SMIM27: variants seen among roughly 807,000 people sequenced by gnomAD.
The protein encoded by SMIM27 is TOPORS antisense RNA 1 (non-protein coding).
A neutral mutation model predicts 1.8 loss-of-function variants in SMIM27; 3 were observed. That is an observed-to-expected ratio of 1.65 (90% confidence interval 0.75 to 4.28). The LOEUF (loss-of-function observed/expected upper bound fraction) is 4.28, where lower values mean the gene tolerates loss of function less well. SMIM27 is among the 30% of genes most tolerant of loss of function. The probability of loss-of-function intolerance (pLI) is 0.02; values close to 1 mark genes in which losing one functional copy is unlikely to be tolerated. For synonymous variants in SMIM27, 19 were observed against 13.9 expected, an observed-to-expected ratio of 1.37 and a Z score of -0.82; for missense variants, 63 against 37.0, an observed-to-expected ratio of 1.70 and a Z score of -1.83.
chr9:32,564,869 A>C (rs1468731150), intron 1 of SMIM27, among the ~76,000 whole-genome samples: 1 of 152,248 alleles, frequency 6.6e-6, no homozygotes. Flanking sequence ...TAAATGTATC[A>C]AGTTGAATCA....
At chr9:32,564,919 C>T (rs1259570890) in intron 1 of SMIM27, among the ~76,000 whole-genome samples, 2 of 152,296 alleles carry the variant, frequency 1.3e-5, no homozygotes, top group African/African-American at 4.8e-5. Flanking sequence ...CCTAGAAAAA[C>T]GGCAGTTTCA....
At chr9:32,553,764 G>T, downstream of SMIM27, 2 of 733,314 alleles carry the variant, frequency 2.7e-6, no homozygotes, top group South Asian at 1.6e-5. Flanking sequence ...AAACAGATAT[G>T]ACAATTTCTG....
intron 1 of SMIM27, chr9:32,559,013 G>C (rs1403470054): frequency 8.0e-7 from 1 of 1,249,824 alleles, no homozygotes; most frequent in Non-Finnish European, 1.1e-6. Context: ...CTGAAAATAA[G>C]AAATAGGTCA....
At chr9:32,552,298 C>T, upstream of SMIM27, 5 of 1,300,126 alleles carry the variant, frequency 3.8e-6, no homozygotes, top group South Asian at 1.3e-5. Flanking sequence ...CCAGCGACAG[C>T]GCTGCACGAA....
At chr9:32,558,753 T>TG (rs1406818818) in intron 1 of SMIM27, among the ~76,000 whole-genome samples, 2 of 152,168 alleles carry the variant, frequency 1.3e-5, no homozygotes, top group East Asian at 3.8e-4. Context: ...CCTGTTTTTT[T>TG]TTGTTTTGTT....
At chr9:32,551,191 TG>T (rs1821249188), upstream of SMIM27, 1 of 620,298 alleles carries the variant, frequency 1.6e-6, no homozygotes, top group Non-Finnish European at 2.9e-6. Flanking sequence ...CTCCCCATCT[TG>T]TTACTGGTAC....
In SMIM27 at chr9:32,552,491, G is replaced by T; in HGVS notation, c.45+12G>T. ...GGATTTATTCAGTGGTAAGTCCCGG[G>T]GATCGCGGGCCCCCACCGTGTCGAC... On this transcript the variant is annotated intron_variant, in intron 1 of 1. Coordinates refer to ENST00000692500, the MANE Select transcript of SMIM27 (RefSeq NM_001387564.1). 6.3e-7 allele frequency: 1 copy of T among 1,581,676 alleles called. No homozygotes were observed. Among genetic ancestry groups the T allele is most frequent in the East Asian group, 2.3e-5 (1 of 43,596 alleles).
chr9:32,552,365 A>G lies in SMIM27; in HGVS notation c.-70A>G, dbSNP rs746205226. ...AGATGGCTGCTGGCGCCTGGCAGCC[A>G]CCGCCTGGGAGGTTACTGTAAGGCC... is the stretch of plus-strand genomic sequence containing the variant. On this transcript the variant is annotated 5_prime_UTR_variant, in exon 1 of 2. Coordinates refer to ENST00000692500, the MANE Select transcript of SMIM27 (RefSeq NM_001387564.1). 3.7e-5 allele frequency: 59 copies of G among 1,588,150 alleles called. No homozygotes were observed. The highest frequency in any genetic ancestry group is 4.8e-5 in the Non-Finnish European group (56 of 1,166,948).
chr9:32,566,355 A>G, intron 1 of SMIM27: 1 of 1,183,644 alleles, frequency 8.4e-7, no homozygotes, highest in East Asian at 2.3e-5. Flanking sequence ...CAGTGTAGGA[A>G]TGATGGTGCG....
chr9:32,557,470 C>CT (rs201117028), downstream of SMIM27, among the ~76,000 whole-genome samples: 19 of 147,744 alleles, frequency 1.3e-4, no homozygotes, highest in South Asian at 4.3e-4. Flanking sequence ...ATACCCCCTA[C>CT]TTTTTTTTTT....
intron 1 of SMIM27, chr9:32,566,281 A>G: frequency 8.7e-7 from 1 of 1,153,930 alleles, no homozygotes; most frequent in Non-Finnish European, 1.3e-6. Context: ...TCTGAGGTAG[A>G]AAGCAGGCCA....
chr9:32,559,028 C>A, intron 1 of SMIM27: 1 of 1,070,066 alleles, frequency 9.3e-7, no homozygotes, highest in Admixed American at 2.1e-5. Flanking sequence ...AGGTCATACC[C>A]CAAATTTTAA....
intron 1 of SMIM27, among the ~76,000 whole-genome samples, chr9:32,558,232 C>G (rs1587638913): frequency 6.6e-6 from 1 of 151,810 alleles, no homozygotes; most frequent in Non-Finnish European, 1.5e-5. Context: ...CTGCCTCAGC[C>G]TCTCGAGTAG....
intron 1 of SMIM27, among the ~76,000 whole-genome samples, chr9:32,564,795 C>T (rs1205608571): frequency 6.6e-6 from 1 of 152,178 alleles, no homozygotes; most frequent in Non-Finnish European, 1.5e-5. Flanking sequence ...GAACAGCTTC[C>T]AGTTTCTACA....
rs968604900 is a variant in SMIM27, at chr9:32,552,651, G to A, written c.46-150G>A. On this transcript the variant is annotated intron_variant, in intron 1 of 1. Transcript: ENST00000692500. ...GAGGATACGATCTTCCGCTTCTTAC[G>A]TAAGGGCTGCTGGGTGTACCCGCCA... 2.5e-5 allele frequency: 17 copies of A among 670,660 alleles called. 1 individual carries two copies. The South Asian group carries it at 2.5e-4, about 10-fold the overall frequency. The allele number at this position is 670,660 out of a possible 1,614,324, so 41.5% of individuals were successfully genotyped here. A position where few individuals can be genotyped will look rare whatever the true frequency, so the allele number is the denominator to read the frequency against.
chr9:32,556,448 G>A (rs1185273818), downstream of SMIM27, among the ~76,000 whole-genome samples: 2 of 152,226 alleles, frequency 1.3e-5, no homozygotes, highest in African/African-American at 4.8e-5. Flanking sequence ...ATTCACAGTA[G>A]TCTGTGATGT....
intron 1 of SMIM27, chr9:32,565,308 A>G (rs994151758): frequency 6.6e-6 from 1 of 152,326 alleles, no homozygotes; most frequent in African/African-American, 2.4e-5. Context: ...AAAAAAGAAA[A>G]AAATTCAGCA....
At chr9:32,555,604 A>AG (rs1245818507), downstream of SMIM27, among the ~76,000 whole-genome samples, 3 of 152,268 alleles carry the variant, frequency 2.0e-5, no homozygotes, top group African/African-American at 7.2e-5. Context: ...CTAAATGTTA[A>AG]GGGAAATGGA....
downstream of SMIM27, chr9:32,553,199 CTTTT>C (rs539102970): frequency 8.9e-6 from 2 of 225,590 alleles, no homozygotes; most frequent in Admixed American, 5.6e-5. Flanking sequence ...ATTCGGAAAG[CTTTT>C]TTTTTTTTTG....
Sources: allele counts gnomAD v4.1 joint callset (sites outside exome capture counted in the v4.1 genomes callset), GRCh38; gene constraint gnomAD v4.1.1; transcripts MANE v1.5; gene names NCBI Gene and HGNC (gene_info 2026-07-23, HGNC 2026-07-21).